The following MDN1 variants were observed in gnomAD, a reference collection of about 807,000 sequenced individuals.
MDN1 encodes the protein midasin AAA ATPase 1.
MDN1 carries 266 observed loss-of-function variants against 669.2 expected under a neutral mutation model. The ratio of observed to expected loss-of-function variants is 0.40; its 90% CI spans 0.36 to 0.44. The LOEUF is 0.44. Among genes scored for constraint, MDN1 ranks in the 20% least tolerant of loss-of-function variants. The probability of loss-of-function intolerance (pLI) is 1.00; values close to 1 mark genes in which losing one functional copy is unlikely to be tolerated. For missense variants in MDN1, 5,940 were observed against 6,754.0 expected (o/e 0.88, Z 4.22); for synonymous variants, 2,385 against 2,457.1 (o/e 0.97, Z 0.87).
chr6:89,688,093 A>G lies in MDN1; in HGVS notation c.11340T>C (p.Leu3780=). 2 of 1,614,010 alleles carry G rather than the reference A, an allele frequency of 1.2e-6. No individual in the cohort carries two copies. The highest frequency in any genetic ancestry group is 1.7e-6 in the Non-Finnish European group (2 of 1,179,832). ...ISKFLNGLEI[L]LAKAQDWEEN... ...ATTAGCTCACCTGTGCCTTTGCCAGAAGGATCTCTAAGCCATTCAGGAACT... is the reference window on the plus strand; with the variant it reads ...ATTAGCTCACCTGTGCCTTTGCCAGGAGGATCTCTAAGCCATTCAGGAACT... Residue 3780 remains leucine (L), a synonymous_variant, in exon 67 of 102, where the codon CTT becomes CTC. Transcript: ENST00000369393.
chr6:89,783,839 G>A (rs1818807886), intron 9 of MDN1, among the ~76,000 whole-genome samples: 2 of 152,112 alleles, frequency 1.3e-5, no homozygotes, highest in Admixed American at 6.6e-5. Context: ...AATATTGGGG[G>A]TGGGTTACCC....
chr6:89,747,413 C>T lies in MDN1; in HGVS notation c.3820G>A (p.Asp1274Asn). The T allele has an allele frequency of 6.2e-7, 1 of 1,614,054 alleles. No homozygotes were observed. Among genetic ancestry groups the T allele is most frequent in the South Asian group, 1.1e-5 (1 of 91,070 alleles). ...TATCTTTCAGCCCATCGGAACAGAT[C>T]ACGAAGGGTGATGAAGCCCTGCTTT... ...AGKQGFITLR[D>N]LFRWAERYRL... Residue 1274 changes from aspartate to asparagine, a missense_variant, in exon 27 of 102, where the codon GAT becomes AAT. Transcript: ENST00000369393.
At chr6:89,737,766 C>T (rs936984006) in intron 33 of MDN1, among the ~76,000 whole-genome samples, 4 of 148,388 alleles carry the variant, frequency 2.7e-5, no homozygotes, top group African/African-American at 1.0e-4. Context: ...CTCTGCTGCC[C>T]AGGCTGGAGT....
At chr6:89,743,784 G>T in intron 29 of MDN1, 70 bp from the exon 30 acceptor site, 1 of 1,517,208 alleles carries the variant, frequency 6.6e-7, no homozygotes, top group Non-Finnish European at 9.0e-7. Context: ...CCCCCCCTCA[G>T]CAAAAGAGAA....
chr6:89,687,397 T>C lies in MDN1; in HGVS notation c.11397A>G (p.Lys3799=), dbSNP rs1316740257. ...ENASRALSLR[K]HLDLISQMII... Reference sequence around the variant, plus strand: ...TCATCTGACTGATCAAATCAAGATGTTTCCGCAAAGACAAAGCTCGACTTG... The same window carrying C: ...TCATCTGACTGATCAAATCAAGATGCTTCCGCAAAGACAAAGCTCGACTTG... The change falls in exon 68 of 102, where the codon AAA becomes AAG. Residue 3799 remains lysine (K), a synonymous_variant. Coordinates refer to ENST00000369393, the MANE Select transcript of MDN1 (RefSeq NM_014611.3). The C allele has an allele frequency of 1.9e-6, 3 of 1,614,122 alleles. No individual in the cohort carries two copies. Among genetic ancestry groups the C allele is most frequent in the Non-Finnish European group, 1.7e-6 (2 of 1,180,016 alleles).
Position 89,699,776 on chromosome 6 carries a change from AC to A in MDN1, c.8871-50del, listed in dbSNP as rs755456000. 76 of 1,591,596 alleles carry A rather than the reference AC, an allele frequency of 4.8e-5. No homozygotes were observed. In the Admixed American group the frequency reaches 1.3e-3, roughly 27 times the overall value. Reference sequence around the variant, plus strand: ...AGGGTGGGGTATGGACTATCAATGAACTACTGGAAAGCTGCTACATTAGGGA... The same window carrying A: ...AGGGTGGGGTATGGACTATCAATGAATACTGGAAAGCTGCTACATTAGGGA... On this transcript the variant is annotated intron_variant, in intron 57 of 101. Coordinates refer to ENST00000369393, the MANE Select transcript of MDN1 (RefSeq NM_014611.3).
At chr6:89,761,145 GAC>G (rs1347437598) in intron 17 of MDN1, among the ~76,000 whole-genome samples, 5 of 151,966 alleles carry the variant, frequency 3.3e-5, no homozygotes, top group African/African-American at 1.2e-4. Flanking sequence ...CAGCCTGGGG[GAC>G]AGAGTGAGAC....
chr6:89,678,569 A>G (rs764125367), intron 75 of MDN1, 30 bp downstream of exon 75: 5 of 1,608,526 alleles, frequency 3.1e-6, no homozygotes, highest in Middle Eastern at 1.7e-4. Flanking sequence ...TGGTGACTAC[A>G]TTTCATTGGG....
At chr6:89,730,955 C>A in intron 34 of MDN1, 32 bp from the exon 35 acceptor site, 1 of 1,574,320 alleles carries the variant, frequency 6.4e-7, no homozygotes, top group Non-Finnish European at 8.7e-7. Flanking sequence ...CATGAAGCAA[C>A]AGTACAACAC....
rs1220799462 is a variant in MDN1, at chr6:89,732,722, C to T, written c.4777G>A (p.Glu1593Lys). The T allele has an allele frequency of 6.2e-7, 1 of 1,614,006 alleles. No homozygotes were observed. Among genetic ancestry groups the T allele is most frequent in the African/African-American group, 1.3e-5 (1 of 74,894 alleles). Residue 1593 changes from glutamate to lysine, a missense_variant, in exon 34 of 102, where the codon GAG (glutamate) becomes AAG (lysine). By Grantham distance (56) the Glu-to-Lys change is moderately conservative (BLOSUM62 1). Transcript: ENST00000369393. ...LDFIDWLTHQEFGRKCVVSIR... is the reference protein window; with the variant it reads ...LDFIDWLTHQKFGRKCVVSIR... Reference sequence around the variant, plus strand: ...CTGACCACACACTTTCTGCCAAACTCTTGGTGGGTCAGCCAGTCAATGAAA... The same window carrying T: ...CTGACCACACACTTTCTGCCAAACTTTTGGTGGGTCAGCCAGTCAATGAAA...
At position 89,745,255 on chromosome 6, in the gene MDN1, A is replaced by C. The variant is rs1047150659; in HGVS notation, c.4178+18T>G. ...GAATTGAAATGAACCCTCATGAGTC[A>C]CTGTCACAGATCTTTACCCAGTGTC... On this transcript the variant is annotated intron_variant, in intron 29 of 101. Transcript: ENST00000369393. 4 of 1,613,436 alleles carry C rather than the reference A, an allele frequency of 2.5e-6. No homozygotes were observed. In the African/African-American group the frequency reaches 5.3e-5, roughly 22 times the overall value.
chr6:89,735,502 T>C (rs529377510), intron 33 of MDN1, among the ~76,000 whole-genome samples: 16 of 151,944 alleles, frequency 1.1e-4, no homozygotes, highest in African/African-American at 3.6e-4. Context: ...GCTTCCTGAG[T>C]AGCTAAGATT....
intron 5 of MDN1, among the ~76,000 whole-genome samples, chr6:89,792,285 G>A (rs1259197295): frequency 2.6e-5 from 4 of 152,110 alleles, no homozygotes; most frequent in Non-Finnish European, 5.9e-5. Flanking sequence ...AAATACGTGA[G>A]GATTAAATGA....
chr6:89,670,813 G>A (rs1373859165), intron 83 of MDN1, 106 bp downstream of exon 83: 5 of 1,253,496 alleles, frequency 4.0e-6, no homozygotes, highest in Non-Finnish European at 5.5e-6. Flanking sequence ...ATCACATCCT[G>A]CTATTTGTGG....
chr6:89,788,087 T>G lies in MDN1; in HGVS notation c.1231-130A>C, dbSNP rs1244438048. The G allele has an allele frequency of 3.8e-6, 3 of 779,684 alleles. No homozygotes were observed. The African/African-American group carries it at 5.3e-5, about 14-fold the overall frequency. 48.3% of individuals were successfully genotyped at this position (779,684 alleles called of 1,614,324 possible). A position where few individuals can be genotyped will look rare whatever the true frequency, so the allele number is the denominator to read the frequency against. On this transcript the variant is annotated intron_variant, in intron 7 of 101. Coordinates refer to ENST00000369393, the MANE Select transcript of MDN1 (RefSeq NM_014611.3). The stretch of plus-strand genomic sequence containing the variant: ...AAACGTCAGCTCTCATAGTCCAAAC[T>G]GGGGTCAGTATGCAGGTGGGAACGT...
intron 2 of MDN1, among the ~76,000 whole-genome samples, chr6:89,796,483 G>C (rs948075667): frequency 2.0e-5 from 3 of 151,962 alleles, no homozygotes; most frequent in African/African-American, 7.3e-5. Flanking sequence ...CTGCACTAGA[G>C]AAAAGCTAGA....
intron 48 of MDN1, 149 bp from the exon 49 acceptor site, chr6:89,712,405 C>A: frequency 1.0e-6 from 1 of 980,718 alleles, no homozygotes; most frequent in Non-Finnish European, 1.5e-6. Flanking sequence ...TTAAAACATA[C>A]CTAATAAATA....
At chr6:89,679,076 T>A (rs1811431680) in intron 74 of MDN1, among the ~76,000 whole-genome samples, 1 of 152,242 alleles carries the variant, frequency 6.6e-6, no homozygotes, top group African/African-American at 2.4e-5. Flanking sequence ...ACCAACTATG[T>A]GCAGTGCATT....
chr6:89,660,589 A>AT (rs975990015), intron 88 of MDN1, among the ~76,000 whole-genome samples: 1 of 152,020 alleles, frequency 6.6e-6, no homozygotes, highest in African/African-American at 2.4e-5. Flanking sequence ...CAGACAGCAT[A>AT]TTACATTCTC....
Sources: allele counts gnomAD v4.1 joint callset (sites outside exome capture counted in the v4.1 genomes callset), GRCh38; gene constraint gnomAD v4.1.1; transcripts MANE v1.5; gene names NCBI Gene and HGNC (gene_info 2026-07-23, HGNC 2026-07-21).